The following TEKT5 variants were observed in gnomAD, a reference collection of about 807,000 sequenced individuals.
TEKT5 encodes the protein tektin-5.
TEKT5 carries 52 observed loss-of-function variants against 48.7 expected under a neutral mutation model. The ratio of observed to expected loss-of-function variants is 1.07; its 90% CI spans 0.86 to 1.35. TEKT5 has a LOEUF of 1.35. Ranked by LOEUF, TEKT5 falls within the 40% of genes most tolerant of loss-of-function variation. The pLI is 0.00. For missense variants in TEKT5, 831 were observed against 641.6 expected (o/e 1.30, Z -3.19); for synonymous variants, 318 against 267.6 (o/e 1.19, Z -1.84).
intron 5 of TEKT5, among the ~76,000 whole-genome samples, chr16:10,651,336 T>C (rs1434575431): frequency 6.6e-6 from 1 of 152,170 alleles, no homozygotes; most frequent in Non-Finnish European, 1.5e-5. Flanking sequence ...CTCTGCTTCA[T>C]TTTCTCTCTA....
chr16:10,660,166 T>C (rs898862895), intron 5 of TEKT5, among the ~76,000 whole-genome samples: 3 of 151,960 alleles, frequency 2.0e-5, no homozygotes, highest in Non-Finnish European at 4.4e-5. Flanking sequence ...CAATTTAACA[T>C]CCCCCACCCT....
rs756004790 is a variant in TEKT5, at chr16:10,676,100, CT to C, written c.944del (p.Gln315ArgfsTer35). ...AGAGGTGCTCCGCCTCCTCCCGCAG[CT>C]GGATGGAGTTGGCCCGCATGTTCTG... The part of the protein sequence containing the change: ...HSQNMRANSI[Q>X]LREEAEHLFE... On this transcript the variant is annotated frameshift_variant, in exon 5 of 7. Transcript: ENST00000283025. LOFTEE classifies it high-confidence loss of function. 1.9e-6 allele frequency: 3 copies of C among 1,614,084 alleles called. No homozygotes were observed. The highest frequency in any genetic ancestry group is 2.7e-5 in the African/African-American group (2 of 74,922).
intron 4 of TEKT5, among the ~76,000 whole-genome samples, chr16:10,678,701 G>C (rs527691371): frequency 6.6e-6 from 1 of 152,290 alleles, no homozygotes; most frequent in Admixed American, 6.5e-5. Context: ...GATTTACTTT[G>C]AGTGTCTCTG....
intron 5 of TEKT5, among the ~76,000 whole-genome samples, chr16:10,648,384 C>G (rs1007983659): frequency 1.3e-5 from 2 of 151,884 alleles, no homozygotes; most frequent in African/African-American, 2.4e-5. Flanking sequence ...GTGGAGTGAT[C>G]TCGGCTCACT....
chr16:10,694,875 C>G lies in TEKT5; in HGVS notation c.-2G>C, dbSNP rs761465264. 1 of 1,540,244 alleles carries G rather than the reference C, an allele frequency of 6.5e-7. No homozygotes were observed. Among genetic ancestry groups the G allele is most frequent in the Non-Finnish European group, 8.7e-7 (1 of 1,147,986 alleles). ...CTGAGTAGTCCCAAGAAACTCCATC[C>G]TCCCTCATGAGCCCCACTCGGGCAA... On this transcript the variant is annotated 5_prime_UTR_variant, in exon 1 of 7. Transcript: ENST00000283025.
intron 5 of TEKT5, among the ~76,000 whole-genome samples, chr16:10,662,035 T>G (rs1286841554): frequency 6.6e-6 from 1 of 152,164 alleles, no homozygotes; most frequent in Non-Finnish European, 1.5e-5. Flanking sequence ...CCTTTCTCTC[T>G]TCTTAAATTA....
At chr16:10,678,381 G>A (rs866186255) in intron 4 of TEKT5, among the ~76,000 whole-genome samples, 9 of 152,206 alleles carry the variant, frequency 5.9e-5, no homozygotes, top group South Asian at 2.1e-4. Flanking sequence ...ACGGGTCTGA[G>A]CCACCGCACC....
intron 6 of TEKT5, among the ~76,000 whole-genome samples, chr16:10,631,083 T>TATACAC (rs768698257): frequency 5.4e-5 from 8 of 148,732 alleles, no homozygotes; most frequent in African/African-American, 1.5e-4. Flanking sequence ...TATATATATA[T>TATACAC]ACACACACAC....
intron 6 of TEKT5, among the ~76,000 whole-genome samples, chr16:10,632,307 GTTTTT>G (rs997435055): frequency 6.6e-6 from 1 of 150,424 alleles, no homozygotes; most frequent in African/African-American, 2.4e-5. Context: ...TCAGTTTATG[GTTTTT>G]TTTTTGACAG....
At chr16:10,635,700 C>G (rs1182365076) in intron 6 of TEKT5, 64 bp downstream of exon 6, 4 of 1,572,582 alleles carry the variant, frequency 2.5e-6, no homozygotes, top group Non-Finnish European at 3.5e-6. Flanking sequence ...GCTCCTGAGA[C>G]TCACCCCTTC....
chr16:10,675,141 G>A (rs367884777), intron 5 of TEKT5, among the ~76,000 whole-genome samples: 1 of 152,062 alleles, frequency 6.6e-6, no homozygotes, highest in African/African-American at 2.4e-5. Context: ...AAGGGGTACT[G>A]TTCTGCAAAC....
At chr16:10,651,672 G>C (rs1898161932) in intron 5 of TEKT5, among the ~76,000 whole-genome samples, 1 of 152,112 alleles carries the variant, frequency 6.6e-6, no homozygotes, top group Non-Finnish European at 1.5e-5. Context: ...AAAGACAAGG[G>C]TACACAGCCG....
chr16:10,662,378 T>G (rs745856853), intron 5 of TEKT5, among the ~76,000 whole-genome samples: 2 of 152,192 alleles, frequency 1.3e-5, no homozygotes, highest in Non-Finnish European at 2.9e-5. Context: ...AAGCTCAGAA[T>G]CTAGAGCAGG....
At position 10,657,423 on chromosome 16, in the gene TEKT5, C is replaced by T. The variant is rs2719653; in HGVS notation, c.1086+18536G>A. On this transcript the variant is annotated intron_variant, in intron 5 of 6. Coordinates refer to ENST00000283025, the MANE Select transcript of TEKT5 (RefSeq NM_144674.2). ...GATTACAGGCATGAGCCACCATGCC[C>T]GGCCTAGAGCTGCTTTTAAACAACT... Among the ~76,000 whole-genome samples, 856 of 152,166 alleles carry T rather than the reference C, an allele frequency of 5.6e-3. 12 individuals carry two copies. Among genetic ancestry groups the T allele is most frequent in the African/African-American group, 0.02 (823 of 41,504 alleles).
chr16:10,676,989 C>T (rs1898657768), intron 4 of TEKT5, among the ~76,000 whole-genome samples: 1 of 152,146 alleles, frequency 6.6e-6, no homozygotes, highest in Non-Finnish European at 1.5e-5. Context: ...TTCAAGACCA[C>T]ACTGGGCAAT....
At chr16:10,691,702 A>C (rs1898980256) in intron 1 of TEKT5, among the ~76,000 whole-genome samples, 1 of 152,036 alleles carries the variant, frequency 6.6e-6, no homozygotes, top group South Asian at 2.1e-4. Context: ...TAATCCCAGC[A>C]CTTTGGGAGG....
intron 5 of TEKT5, among the ~76,000 whole-genome samples, chr16:10,654,025 T>G (rs889358880): frequency 2.7e-5 from 4 of 147,280 alleles, no homozygotes; most frequent in African/African-American, 1.1e-4. Flanking sequence ...CATGTGTGTG[T>G]GTGTGCACAT....
intron 5 of TEKT5, among the ~76,000 whole-genome samples, chr16:10,639,161 G>C (rs1188956382): frequency 6.6e-6 from 1 of 151,940 alleles, no homozygotes; most frequent in Non-Finnish European, 1.5e-5. Flanking sequence ...TTAAAAGTTA[G>C]CCAGGCATGG....
chr16:10,654,931 C>G (rs1213912279), intron 5 of TEKT5, among the ~76,000 whole-genome samples: 2 of 57,132 alleles, frequency 3.5e-5, no homozygotes, highest in Admixed American at 1.4e-4. Context: ...GTCTCCCCCC[C>G]CTCCCCTCCC....
Sources: allele counts gnomAD v4.1 joint callset (sites outside exome capture counted in the v4.1 genomes callset), GRCh38; gene constraint gnomAD v4.1.1; transcripts MANE v1.5; gene names NCBI Gene and HGNC (gene_info 2026-07-23, HGNC 2026-07-21).